The following GRIK2 variants were observed in gnomAD, a reference collection of about 807,000 sequenced individuals.
GRIK2 encodes the protein glutamate ionotropic receptor kainate type subunit 2.
GRIK2 carries 32 observed loss-of-function variants against 100.3 expected under a neutral mutation model. The ratio of observed to expected loss-of-function variants is 0.32; its 90% CI spans 0.24 to 0.43. The LOEUF is 0.43. GRIK2 is among the 20% of genes least tolerant of loss of function. The pLI is 1.00. For synonymous variants in GRIK2, 417 were observed against 389.4 expected, an observed-to-expected ratio of 1.07 and a Z score of -0.83; for missense variants, 843 against 1,114.9, an observed-to-expected ratio of 0.76 and a Z score of 3.47.
At chr6:101,504,030 C>T (rs745517413) in intron 2 of GRIK2, among the ~76,000 whole-genome samples, 1 of 152,096 alleles carries the variant, frequency 6.6e-6, no homozygotes, top group Non-Finnish European at 1.5e-5. Flanking sequence ...CCAGATATTT[C>T]TAAATACTAC....
intron 15 of GRIK2, among the ~76,000 whole-genome samples, chr6:102,043,491 C>T (rs759205243): frequency 5.3e-5 from 8 of 151,884 alleles, no homozygotes; most frequent in Non-Finnish European, 8.8e-5. Context: ...TCCCACATGT[C>T]AGTGAGAATA....
At chr6:101,513,018 T>C (rs945696795) in intron 2 of GRIK2, among the ~76,000 whole-genome samples, 2 of 152,060 alleles carry the variant, frequency 1.3e-5, no homozygotes, top group African/African-American at 4.8e-5. Context: ...ATTTTATTTT[T>C]ATTTTAATAT....
At chr6:101,459,692 G>A (rs2518227) in intron 2 of GRIK2, among the ~76,000 whole-genome samples, 94,873 of 151,954 alleles carry the variant, frequency 0.62, 30,194 homozygotes, top group African/African-American at 0.75. Flanking sequence ...AATGAGTACC[G>A]AAATATAAAG....
At chr6:101,614,537 C>A (rs890511051) in intron 2 of GRIK2, among the ~76,000 whole-genome samples, 2 of 151,492 alleles carry the variant, frequency 1.3e-5, no homozygotes, top group Non-Finnish European at 3.0e-5. Context: ...ATATCCATGG[C>A]ATGTCATTTA....
chr6:101,785,000 G>A (rs1466146570), intron 7 of GRIK2, among the ~76,000 whole-genome samples: 2 of 152,066 alleles, frequency 1.3e-5, no homozygotes, highest in African/African-American at 2.4e-5. Context: ...ATTCAAACTC[G>A]GGTTAGATGA....
chr6:101,591,361 C>A (rs1042243423), intron 2 of GRIK2, among the ~76,000 whole-genome samples: 1 of 151,686 alleles, frequency 6.6e-6, no homozygotes, highest in Non-Finnish European at 1.5e-5. Context: ...CCAAGCTTAT[C>A]TACCCTCCCC....
chr6:101,783,572 T>C (rs1779239925), intron 7 of GRIK2, among the ~76,000 whole-genome samples: 1 of 152,152 alleles, frequency 6.6e-6, no homozygotes, highest in African/African-American at 2.4e-5. Flanking sequence ...ACTTTGGAAC[T>C]GGGTAACAGG....
At chr6:101,501,848 C>A (rs2128273852) in intron 2 of GRIK2, among the ~76,000 whole-genome samples, 1 of 152,252 alleles carries the variant, frequency 6.6e-6, no homozygotes, top group Admixed American at 6.5e-5. Context: ...ACCTCCGTCT[C>A]CTGGGTTCAA....
intron 2 of GRIK2, among the ~76,000 whole-genome samples, chr6:101,515,970 C>A (rs1774563834): frequency 6.6e-6 from 1 of 152,072 alleles, no homozygotes; most frequent in South Asian, 2.1e-4. Context: ...CTTTTGGATT[C>A]TTGACCATGA....
chr6:101,746,135 A>G (rs1453955856), intron 7 of GRIK2, among the ~76,000 whole-genome samples: 1 of 152,214 alleles, frequency 6.6e-6, no homozygotes, highest in East Asian at 1.9e-4. Context: ...TAGTTGAATA[A>G]TAATTCTAGG....
intron 4 of GRIK2, among the ~76,000 whole-genome samples, chr6:101,628,791 A>G (rs1212583253): frequency 6.6e-6 from 1 of 152,160 alleles, no homozygotes; most frequent in Non-Finnish European, 1.5e-5. Context: ...GTGCATGCAC[A>G]CAGGTATGTA....
chr6:101,840,298 A>AACT (rs1186444687), intron 10 of GRIK2, among the ~76,000 whole-genome samples: 1 of 152,206 alleles, frequency 6.6e-6, no homozygotes, highest in Non-Finnish European at 1.5e-5. Flanking sequence ...CAAAACCAGT[A>AACT]AATCCTGAAT....
intron 11 of GRIK2, among the ~76,000 whole-genome samples, chr6:101,875,985 C>T (rs1328444429): frequency 6.7e-6 from 1 of 149,630 alleles, no homozygotes; most frequent in Non-Finnish European, 1.5e-5. Context: ...TCTAGAATTA[C>T]ATATATATTG....
chr6:101,766,166 T>C (rs753897199), intron 7 of GRIK2, among the ~76,000 whole-genome samples: 15 of 152,050 alleles, frequency 9.9e-5, no homozygotes, highest in Non-Finnish European at 1.8e-4. Context: ...TTGCCTGATA[T>C]ATTTTATGCA....
At chr6:101,799,535 GA>G in intron 7 of GRIK2, 112 bp from the exon 8 acceptor site, 2 of 763,692 alleles carry the variant, frequency 2.6e-6, no homozygotes, top group South Asian at 1.7e-5. Flanking sequence ...TTTATACAAA[GA>G]AAAATGGGAT....
At chr6:101,474,004 C>T (rs1290882698) in intron 2 of GRIK2, among the ~76,000 whole-genome samples, 3 of 151,844 alleles carry the variant, frequency 2.0e-5, no homozygotes, top group Non-Finnish European at 4.4e-5. Context: ...CCACATGTCT[C>T]ATTACCTAGT....
chr6:101,933,998 C>T (rs1246803149), intron 14 of GRIK2, among the ~76,000 whole-genome samples: 3 of 151,878 alleles, frequency 2.0e-5, no homozygotes, highest in African/African-American at 7.2e-5. Context: ...CTCTGTCTCT[C>T]TCTCCCTTTC....
At chr6:101,674,686 T>C (rs1367428878) in intron 4 of GRIK2, among the ~76,000 whole-genome samples, 1 of 152,180 alleles carries the variant, frequency 6.6e-6, no homozygotes, top group Non-Finnish European at 1.5e-5. Flanking sequence ...AATTTTTATG[T>C]AGTATTTATT....
At chr6:101,527,676 G>T (rs1775221312) in intron 2 of GRIK2, among the ~76,000 whole-genome samples, 1 of 152,126 alleles carries the variant, frequency 6.6e-6, no homozygotes, top group Non-Finnish European at 1.5e-5. Context: ...GTGTTTTTCA[G>T]ATCTCATCAG....
Sources: gnomAD v4.1 joint callset for allele counts (sites outside exome capture counted in the v4.1 genomes callset) on GRCh38, gnomAD v4.1.1 for gene constraint, MANE v1.5 for transcripts, NCBI Gene and HGNC (gene_info 2026-07-23, HGNC 2026-07-21) for gene names.